CSMD2: variants seen among roughly 807,000 people sequenced by gnomAD.
CSMD2 encodes CUB and sushi domain-containing protein 2.
In CSMD2, 130 loss-of-function variants were observed where a neutral mutation model predicts 398.5. The observed-to-expected ratio is 0.33, with a 90% CI of 0.28 to 0.38. The LOEUF (loss-of-function observed/expected upper bound fraction) is 0.38, where lower values mean the gene tolerates loss of function less well. Ranked by LOEUF, CSMD2 falls within the 10% of genes least tolerant of loss-of-function variation. The pLI, the probability that CSMD2 is intolerant of heterozygous loss-of-function variation, is 1.00. For synonymous variants in CSMD2, 1,828 were observed against 1,908.5 expected (o/e 0.96, Z 1.10); for missense variants, 3,829 against 4,764.9 (o/e 0.80, Z 5.78).
chr1:33,886,322 G>A (rs1047845362), intron 5 of CSMD2, among the ~76,000 whole-genome samples: 5 of 152,146 alleles, frequency 3.3e-5, no homozygotes, highest in African/African-American at 1.2e-4. Flanking sequence ...GCAGGAGGCT[G>A]CTTCAGTGTT....
chr1:34,132,347 G>A (rs1454897814), intron 1 of CSMD2, among the ~76,000 whole-genome samples: 1 of 118,474 alleles, frequency 8.4e-6, no homozygotes, highest in Non-Finnish European at 1.9e-5. Flanking sequence ...TGGGTAACAG[G>A]TGGCACCCAC....
At chr1:34,084,517 T>C (rs1657633346) in intron 2 of CSMD2, among the ~76,000 whole-genome samples, 1 of 152,088 alleles carries the variant, frequency 6.6e-6, no homozygotes, top group South Asian at 2.1e-4. Context: ...TACGATGAAC[T>C]CAAACAAATT....
At chr1:33,674,273 C>A (rs1444953810) in intron 25 of CSMD2, among the ~76,000 whole-genome samples, 4 of 151,704 alleles carry the variant, frequency 2.6e-5, no homozygotes, top group Admixed American at 6.6e-5. Context: ...ATCTACCAAG[C>A]AAATGGAAAA....
intron 13 of CSMD2, among the ~76,000 whole-genome samples, chr1:33,770,538 T>C (rs1651119619): frequency 6.6e-6 from 1 of 152,220 alleles, no homozygotes; most frequent in South Asian, 2.1e-4. Context: ...GCCGGTTGGC[T>C]CCCTCTGGCT....
chr1:33,641,824 CTTTG>C lies in CSMD2; in HGVS notation c.4774+4820_4774+4823del, dbSNP rs1643125436. Among the ~76,000 whole-genome samples the C allele has an allele frequency of 3.3e-5, 5 of 152,300 alleles. 1 individual carries two copies. Among genetic ancestry groups the C allele is most frequent in the South Asian group, 2.1e-4 (1 of 4,822 alleles). ...GATGTGAACTCCATGGAGGCAGAGACTTTGTTTGGTTTTCTGGTCTGTTCTCAGC... is the reference window on the plus strand; with the variant it reads ...GATGTGAACTCCATGGAGGCAGAGACTTTGGTTTTCTGGTCTGTTCTCAGC... On this transcript the variant is annotated intron_variant, in intron 29 of 70. Transcript: ENST00000373381.
At chr1:33,687,153 A>T (rs1571224250) in intron 25 of CSMD2, among the ~76,000 whole-genome samples, 1 of 152,340 alleles carries the variant, frequency 6.6e-6, no homozygotes, top group East Asian at 1.9e-4. Context: ...CTTAGCTATG[A>T]CTTGATAGTG....
rs1653771416 is a variant in CSMD2 at position 33,516,443 on chromosome 1, G to GCA, written c.*180_*181insTG. On this transcript the variant is annotated 3_prime_UTR_variant, in exon 71 of 71. Coordinates refer to ENST00000373381, the MANE Select transcript of CSMD2 (RefSeq NM_001281956.2). Reference sequence around the variant, plus strand: ...GGACACGGCAGGAGTCCTCTCCAGGGTAACTGGCATAGATGGCGGCAGGGC... The same window carrying GCA: ...GGACACGGCAGGAGTCCTCTCCAGGGCATAACTGGCATAGATGGCGGCAGGGC... 2 of 152,310 alleles carry GCA rather than the reference G, an allele frequency of 1.3e-5. No homozygotes were observed. Among genetic ancestry groups the GCA allele is most frequent in the Non-Finnish European group, 2.9e-5 (2 of 68,116 alleles). The allele number at this position is 152,310 out of a possible 1,614,324, so 9.4% of individuals were successfully genotyped here.
At chr1:34,065,158 C>G (rs1477646162) in intron 2 of CSMD2, among the ~76,000 whole-genome samples, 1 of 152,132 alleles carries the variant, frequency 6.6e-6, no homozygotes, top group African/African-American at 2.4e-5. Context: ...TCCCCTCCCC[C>G]AACCCCACCT....
At chr1:33,847,422 A>T (rs1335004890) in intron 5 of CSMD2, among the ~76,000 whole-genome samples, 1 of 150,856 alleles carries the variant, frequency 6.6e-6, no homozygotes. Context: ...AGCATTCCCT[A>T]CTCTCCTTGG....
rs1036533129 is a variant in CSMD2 at position 33,559,295 on chromosome 1, C to T, written c.8554+5G>A. On this transcript the variant is annotated splice_donor_5th_base_variant and intron_variant, in intron 54 of 70. Coordinates refer to ENST00000373381, the MANE Select transcript of CSMD2 (RefSeq NM_001281956.2). This position sits in a 1 kb window ranked among gnomAD's most constrained non-coding sequence, Gnocchi z 4.0. The stretch of plus-strand genomic sequence containing the variant: ...GACTGGATTGGGAGAGAAAGGGTGA[C>T]TCACTTCTGCAGGTGGGCAGCATGT... 6.5e-7 allele frequency: 1 copy of T among 1,534,556 alleles called. No individual in the cohort carries two copies. The highest frequency in any genetic ancestry group is 1.4e-5 in the African/African-American group (1 of 73,112).
At chr1:33,728,770 G>A (rs1272577912) in intron 15 of CSMD2, among the ~76,000 whole-genome samples, 1 of 152,196 alleles carries the variant, frequency 6.6e-6, no homozygotes, top group African/African-American at 2.4e-5. Flanking sequence ...ACACTAAATG[G>A]CACGTACTAT....
At chr1:33,710,457 T>A (rs1170530144) in intron 21 of CSMD2, among the ~76,000 whole-genome samples, 1 of 152,202 alleles carries the variant, frequency 6.6e-6, no homozygotes, top group Non-Finnish European at 1.5e-5. Context: ...CCTCAGAAGA[T>A]GTACAGTCCT....
chr1:34,015,211 CA>C (rs1647917079), intron 3 of CSMD2, among the ~76,000 whole-genome samples: 1 of 152,132 alleles, frequency 6.6e-6, no homozygotes, highest in Non-Finnish European at 1.5e-5. Context: ...CTTCCCAGGG[CA>C]AAATGGGATC....
At chr1:34,150,710 C>T (rs1465084082) in intron 1 of CSMD2, among the ~76,000 whole-genome samples, 1 of 151,774 alleles carries the variant, frequency 6.6e-6, no homozygotes, top group African/African-American at 2.4e-5. Flanking sequence ...GTCAGGAGTG[C>T]AAGACTAGCC....
intron 44 of CSMD2, 169 bp downstream of exon 44, chr1:33,600,696 T>A: frequency 1.5e-6 from 1 of 667,510 alleles, no homozygotes; most frequent in Non-Finnish European, 2.5e-6. Context: ...CTGAGAGCTC[T>A]CACATAGGCT....
intron 3 of CSMD2, among the ~76,000 whole-genome samples, chr1:33,984,872 C>A (rs868437925): frequency 2.6e-4 from 38 of 144,974 alleles, no homozygotes; most frequent in African/African-American, 1.0e-3. Context: ...GGCAGGCAGG[C>A]AGGCAGGCAG....
At chr1:33,588,382 C>T (rs1247010177) in intron 44 of CSMD2, among the ~76,000 whole-genome samples, 4 of 74,700 alleles carry the variant, frequency 5.4e-5, no homozygotes. Flanking sequence ...GCATCTTTTA[C>T]GTTTTTTTCT....
At chr1:33,836,303 G>A (rs1660256849) in intron 6 of CSMD2, among the ~76,000 whole-genome samples, 1 of 151,980 alleles carries the variant, frequency 6.6e-6, no homozygotes, top group South Asian at 2.1e-4. Flanking sequence ...TAGGCTACTC[G>A]GGGGTCAGGT....
intron 55 of CSMD2, 100 bp downstream of exon 55, chr1:33,557,633 CA>C: frequency 1.0e-6 from 1 of 961,948 alleles, no homozygotes; most frequent in Non-Finnish European, 1.5e-6. Flanking sequence ...CACACACACA[CA>C]CACACACACA....
Sources: allele counts gnomAD v4.1 joint callset (sites outside exome capture counted in the v4.1 genomes callset), GRCh38; gene constraint gnomAD v4.1.1; non-coding constraint Gnocchi (gnomAD v3.1); transcripts MANE v1.5; gene names NCBI Gene and HGNC (gene_info 2026-07-23, HGNC 2026-07-21).